Variants in NDST4 observed in about 807,000 individuals in gnomAD.
NDST4 encodes N-heparan sulfate sulfotransferase 4.
NDST4 carries 63 observed loss-of-function variants against 100.8 expected under a neutral mutation model. That is an observed-to-expected ratio of 0.62 (90% CI 0.51 to 0.77). The LOEUF is 0.77. Ranked by LOEUF, NDST4 falls within the 30% of genes least tolerant of loss-of-function variation. NDST4 has a pLI of 0.00. For missense variants in NDST4, 943 were observed against 1,018.4 expected, an observed-to-expected ratio of 0.93 and a Z score of 1.01; for synonymous variants, 377 against 361.8, an observed-to-expected ratio of 1.04 and a Z score of -0.48.
At chr4:115,028,830 C>T (rs1728045702) in intron 2 of NDST4, among the ~76,000 whole-genome samples, 2 of 152,010 alleles carry the variant, frequency 1.3e-5, no homozygotes, top group African/African-American at 2.4e-5. Flanking sequence ...AGTTAAGATC[C>T]TCACAGGAAG....
rs538308434 is a variant in NDST4, at chr4:114,955,666, C to A, written c.1221+14764G>T. On this transcript the variant is annotated intron_variant, in intron 4 of 13. Transcript: ENST00000264363. ...CTGTGGACCATCTCCAAGTGAGACA[C>A]CCATAACAGGTGAAAATTATTTTAA... Among the ~76,000 whole-genome samples the A allele has an allele frequency of 2.7e-4, 41 of 152,188 alleles. No homozygotes were observed. The South Asian group carries it at 8.5e-3, about 32-fold the overall frequency.
chr4:114,859,641 A>G (rs1452205033), intron 7 of NDST4, among the ~76,000 whole-genome samples: 1 of 152,162 alleles, frequency 6.6e-6, no homozygotes, highest in Non-Finnish European at 1.5e-5. Flanking sequence ...AAGCCACCTG[A>G]CCGGAAATCA....
At chr4:115,081,668 G>T (rs1210710840) in intron 1 of NDST4, among the ~76,000 whole-genome samples, 1 of 152,086 alleles carries the variant, frequency 6.6e-6, no homozygotes, top group Non-Finnish European at 1.5e-5. Flanking sequence ...TGCTATAATG[G>T]TATAAAATAT....
intron 4 of NDST4, 96 bp downstream of exon 4, chr4:114,970,334 T>C: frequency 9.4e-7 from 1 of 1,068,252 alleles, no homozygotes; most frequent in Non-Finnish European, 1.3e-6. Flanking sequence ...TATTTTATTC[T>C]ATTTCTATCA....
intron 2 of NDST4, among the ~76,000 whole-genome samples, chr4:114,989,187 G>A (rs944373021): frequency 1.3e-5 from 2 of 152,180 alleles, no homozygotes; most frequent in Admixed American, 1.3e-4. Flanking sequence ...AGACACTCAT[G>A]AAAGAGAACA....
At chr4:114,837,828 G>A in intron 11 of NDST4, among the ~76,000 whole-genome samples, 1 of 152,054 alleles carries the variant, frequency 6.6e-6, no homozygotes, top group Non-Finnish European at 1.5e-5. Flanking sequence ...TTAGCAAATG[G>A]GATCTAATTA....
intron 1 of NDST4, among the ~76,000 whole-genome samples, chr4:115,104,957 G>A (rs1444703635): frequency 6.6e-6 from 1 of 151,984 alleles, no homozygotes; most frequent in Non-Finnish European, 1.5e-5. Context: ...TAGAAACTTT[G>A]GACTTATTGT....
chr4:114,887,820 A>C (rs181612122), intron 6 of NDST4, among the ~76,000 whole-genome samples: 1 of 151,980 alleles, frequency 6.6e-6, no homozygotes, highest in Non-Finnish European at 1.5e-5. Context: ...TTACTCACCA[A>C]TTTTCCACTT....
chr4:115,110,786 T>C (rs954230937), intron 1 of NDST4, among the ~76,000 whole-genome samples: 1 of 152,026 alleles, frequency 6.6e-6, no homozygotes, highest in Non-Finnish European at 1.5e-5. Context: ...TAAAATTTAA[T>C]TCTACTTAGA....
chr4:114,875,916 G>A (rs1208425720), intron 6 of NDST4, among the ~76,000 whole-genome samples: 1 of 152,156 alleles, frequency 6.6e-6, no homozygotes, highest in Non-Finnish European at 1.5e-5. Flanking sequence ...TCAGTAGCCA[G>A]AATATATTAT....
At chr4:114,923,636 CTTA>C (rs1725331246) in intron 6 of NDST4, among the ~76,000 whole-genome samples, 1 of 151,700 alleles carries the variant, frequency 6.6e-6, no homozygotes, top group East Asian at 1.9e-4. Context: ...TTCTTTTTTT[CTTA>C]TTATGAATTC....
At chr4:115,083,108 TAAAG>T (rs574156708) in intron 1 of NDST4, among the ~76,000 whole-genome samples, 167 of 152,268 alleles carry the variant, frequency 1.1e-3, no homozygotes, top group African/African-American at 3.8e-3. Context: ...TTAAGAATCA[TAAAG>T]AATTAGCTCA....
chr4:115,077,844 C>T (rs2126290311), intron 1 of NDST4, among the ~76,000 whole-genome samples: 1 of 152,278 alleles, frequency 6.6e-6, no homozygotes, highest in African/African-American at 2.4e-5. Context: ...TTCAGCATTA[C>T]AGCCCAGATA....
rs1048037066 is a variant in NDST4, at chr4:114,831,255, T to C, written c.2397-1363A>G. Among the ~76,000 whole-genome samples, 7 of 151,326 alleles carry C rather than the reference T, an allele frequency of 4.6e-5. No homozygotes were observed. The East Asian group carries it at 1.4e-3, about 29-fold the overall frequency. The stretch of plus-strand genomic sequence containing the variant: ...TTTTAGTAGAGACGGGGTTTCACCT[T>C]GTTAGCCAGGATGGTCTCGATCTCC... On this transcript the variant is annotated intron_variant, in intron 12 of 13. Transcript: ENST00000264363.
chr4:115,103,095 GTC>G (rs1282938229), intron 1 of NDST4, among the ~76,000 whole-genome samples: 1 of 152,008 alleles, frequency 6.6e-6, no homozygotes, highest in African/African-American at 2.4e-5. Context: ...TATAACAAGA[GTC>G]TATTACCTAG....
At chr4:114,869,652 C>T (rs1160696375) in intron 7 of NDST4, among the ~76,000 whole-genome samples, 4 of 152,106 alleles carry the variant, frequency 2.6e-5, no homozygotes, top group Non-Finnish European at 5.9e-5. Context: ...TCAGTGTAAA[C>T]ACAAACGGTA....
At chr4:114,928,912 T>C (rs1472399166) in intron 6 of NDST4, among the ~76,000 whole-genome samples, 2 of 152,110 alleles carry the variant, frequency 1.3e-5, no homozygotes, top group African/African-American at 4.8e-5. Flanking sequence ...TCAGTTTTCC[T>C]GGGTCTCCCC....
intron 12 of NDST4, among the ~76,000 whole-genome samples, chr4:114,831,973 C>T (rs1723210086): frequency 6.6e-6 from 1 of 152,090 alleles, no homozygotes; most frequent in Non-Finnish European, 1.5e-5. Flanking sequence ...TTTTATTCTA[C>T]TGAACATCAC....
At chr4:114,899,632 T>C (rs1724792260) in intron 6 of NDST4, among the ~76,000 whole-genome samples, 1 of 152,162 alleles carries the variant, frequency 6.6e-6, no homozygotes, top group African/African-American at 2.4e-5. Context: ...GTTGGTATGA[T>C]GGATCACATT....
Sources: allele counts gnomAD v4.1 joint callset (sites outside exome capture counted in the v4.1 genomes callset), GRCh38; gene constraint gnomAD v4.1.1; transcripts MANE v1.5; gene names NCBI Gene and HGNC (gene_info 2026-07-23, HGNC 2026-07-21).